The following DTNA variants were observed in gnomAD, a reference collection of about 807,000 sequenced individuals.
The protein encoded by DTNA is dystrobrevin alpha.
DTNA carries 43 observed loss-of-function variants against 100.7 expected under a neutral mutation model. The observed-to-expected ratio is 0.43, with a 90% CI of 0.33 to 0.55. The LOEUF (loss-of-function observed/expected upper bound fraction) is 0.55. Ranked by LOEUF, DTNA falls within the 20% of genes least tolerant of loss-of-function variation. The pLI, the probability that DTNA is intolerant of heterozygous loss-of-function variation, is 0.04. For synonymous variants in DTNA, 349 were observed against 347.9 expected (o/e 1.00, Z -0.04); for missense variants, 798 against 953.9 (o/e 0.84, Z 2.15).
chr18:34,877,846 T>C, intron 19 of DTNA, 38 bp downstream of exon 19: 3 of 1,561,028 alleles, frequency 1.9e-6, no homozygotes, highest in Non-Finnish European at 2.6e-6. Flanking sequence ...CTGCTCATCA[T>C]GGAGGGATCC....
chr18:34,812,163 T>C (rs2149333374), intron 6 of DTNA, 50 bp downstream of exon 6: 1 of 1,611,596 alleles, frequency 6.2e-7, no homozygotes, highest in Non-Finnish European at 8.5e-7. Context: ...CAGTGGTTGC[T>C]CTCCTTCTAG....
At chr18:34,829,599 T>C in intron 11 of DTNA, 110 bp downstream of exon 11, 2 of 1,164,802 alleles carry the variant, frequency 1.7e-6, no homozygotes, top group East Asian at 2.6e-5. Flanking sequence ...TTATTGGAGA[T>C]AGAGGTCTTC....
intron 8 of DTNA, among the ~76,000 whole-genome samples, chr18:34,819,847 G>T (rs916928599): frequency 6.6e-6 from 1 of 151,810 alleles, no homozygotes; most frequent in African/African-American, 2.4e-5. Flanking sequence ...GAGGACAATA[G>T]TCACTTCATT....
chr18:34,678,346 G>A (rs912223676), intron 1 of DTNA, among the ~76,000 whole-genome samples: 5 of 152,076 alleles, frequency 3.3e-5, no homozygotes, highest in African/African-American at 1.2e-4. Context: ...AATAATTATT[G>A]TGTTCATTTT....
intron 1 of DTNA, among the ~76,000 whole-genome samples, chr18:34,570,836 C>T (rs565972812): frequency 2.6e-5 from 4 of 152,086 alleles, no homozygotes; most frequent in Non-Finnish European, 5.9e-5. Flanking sequence ...TAAGGCAGAG[C>T]TACATGGGGA....
At chr18:34,610,022 A>C (rs1006515532) in intron 1 of DTNA, among the ~76,000 whole-genome samples, 2 of 125,654 alleles carry the variant, frequency 1.6e-5, no homozygotes, top group Non-Finnish European at 3.5e-5. Context: ...GCCGAGATCT[A>C]TATATATATA....
chr18:34,852,151 A>C (rs1195114009), intron 15 of DTNA, among the ~76,000 whole-genome samples: 2 of 152,176 alleles, frequency 1.3e-5, no homozygotes, highest in Non-Finnish European at 2.9e-5. Flanking sequence ...TAGTTCTGAG[A>C]TATCAATGCA....
intron 1 of DTNA, among the ~76,000 whole-genome samples, chr18:34,541,483 G>A (rs113206640): frequency 0.023 from 3,452 of 152,064 alleles, 135 homozygotes; most frequent in African/African-American, 0.078. Context: ...CTCATGAGGT[G>A]TGATGGTTTA....
intron 16 of DTNA, among the ~76,000 whole-genome samples, chr18:34,860,971 A>G (rs2096616832): frequency 6.6e-6 from 1 of 152,166 alleles, no homozygotes; most frequent in South Asian, 2.1e-4. Flanking sequence ...CACTTAGTGT[A>G]TATATTTATG....
intron 1 of DTNA, among the ~76,000 whole-genome samples, chr18:34,536,134 A>G (rs933625699): frequency 9.9e-5 from 15 of 151,994 alleles, no homozygotes; most frequent in African/African-American, 3.6e-4. Context: ...AATTATAAGG[A>G]CCTTTCTCAT....
chr18:34,723,944 T>C (rs1006761388), intron 1 of DTNA, among the ~76,000 whole-genome samples: 3 of 152,050 alleles, frequency 2.0e-5, no homozygotes, highest in Non-Finnish European at 2.9e-5. Flanking sequence ...ATGAAAAATA[T>C]TAAACTTCAC....
chr18:34,818,094 G>A, intron 7 of DTNA, 70 bp from the exon 8 acceptor site: 1 of 1,612,224 alleles, frequency 6.2e-7, no homozygotes, highest in South Asian at 1.1e-5. Context: ...ATTCCTGTAA[G>A]GCTGTATTTT....
At chr18:34,666,502 T>C (rs2075949157) in intron 1 of DTNA, among the ~76,000 whole-genome samples, 1 of 152,098 alleles carries the variant, frequency 6.6e-6, no homozygotes. Context: ...TGCCCATGCC[T>C]ATGTCCTGAA....
chr18:34,829,395 C>G lies in DTNA; in HGVS notation c.1086-5C>G. ...TAATGAGGTCTCATTGTTTGACTCC[C>G]TCAGGTTACCTGAGGGAATAAGTGC... On this transcript the variant is annotated splice_region_variant and splice_polypyrimidine_tract_variant and intron_variant, in intron 10 of 22. Transcript: ENST00000444659. 2 of 1,535,128 alleles carry G rather than the reference C, an allele frequency of 1.3e-6. No homozygotes were observed. The highest frequency in any genetic ancestry group is 1.7e-6 in the Non-Finnish European group (2 of 1,146,618).
At chr18:34,777,584 T>A (rs990233165) in intron 3 of DTNA, among the ~76,000 whole-genome samples, 4 of 152,210 alleles carry the variant, frequency 2.6e-5, no homozygotes, top group Non-Finnish European at 5.9e-5. Flanking sequence ...GACTCGCCAT[T>A]CCATGTGGCT....
intron 1 of DTNA, among the ~76,000 whole-genome samples, chr18:34,752,914 A>C (rs1217210665): frequency 6.6e-6 from 1 of 152,250 alleles, no homozygotes; most frequent in African/African-American, 2.4e-5. Context: ...GATTATAAAC[A>C]ATGTAAATTA....
chr18:34,528,148 G>T (rs781669222), intron 1 of DTNA, among the ~76,000 whole-genome samples: 3 of 152,068 alleles, frequency 2.0e-5, no homozygotes, highest in African/African-American at 7.2e-5. Context: ...AAGGCATGCC[G>T]TTGAAACCTG....
intron 1 of DTNA, among the ~76,000 whole-genome samples, chr18:34,710,828 G>A (rs1198924203): frequency 1.3e-5 from 2 of 151,852 alleles, no homozygotes; most frequent in Admixed American, 6.6e-5. Context: ...TTTCTTAGAG[G>A]ACACCTTATT....
At chr18:34,765,274 C>T (rs2093409155) in intron 2 of DTNA, among the ~76,000 whole-genome samples, 1 of 152,100 alleles carries the variant, frequency 6.6e-6, no homozygotes, top group Non-Finnish European at 1.5e-5. Context: ...CTGGAAGCCA[C>T]AGTAAAAGAA....
Sources: gnomAD v4.1 joint callset for allele counts (sites outside exome capture counted in the v4.1 genomes callset) on GRCh38, gnomAD v4.1.1 for gene constraint, MANE v1.5 for transcripts, NCBI Gene and HGNC (gene_info 2026-07-23, HGNC 2026-07-21) for gene names.